PLEKHG1: variants seen among roughly 807,000 people sequenced by gnomAD.
PLEKHG1 encodes pleckstrin homology domain-containing family G member 1.
PLEKHG1 carries 44 observed loss-of-function variants against 100.8 expected under a neutral mutation model. The observed-to-expected ratio is 0.44, with a 90% CI of 0.34 to 0.56. The LOEUF (loss-of-function observed/expected upper bound fraction) is 0.56, where lower values mean the gene tolerates loss of function less well. Among genes scored for constraint, PLEKHG1 ranks in the 20% least tolerant of loss-of-function variants. The pLI, the probability that PLEKHG1 is intolerant of heterozygous loss-of-function variation, is 0.01. For missense variants in PLEKHG1, 1,545 were observed against 1,720.9 expected, an observed-to-expected ratio of 0.90 and a Z score of 1.81; for synonymous variants, 640 against 662.5, an observed-to-expected ratio of 0.97 and a Z score of 0.52.
At position 150,750,081 on chromosome 6, in the gene PLEKHG1, AG is replaced by A. The variant is rs1382105954; in HGVS notation, c.411+15990del. On this transcript the variant is annotated intron_variant, in intron 2 of 15. Transcript: ENST00000358517. The stretch of plus-strand genomic sequence containing the variant: ...AGCAAGACTCTGTCTCAAAAAAAAA[AG>A]AAAATATCTACTAGAAGAACATTTT... Among the ~76,000 whole-genome samples, 91 of 152,078 alleles carry A rather than the reference AG, an allele frequency of 6.0e-4. 5 individuals are homozygous for A. Among genetic ancestry groups the A allele is most frequent in the African/African-American group, 2.1e-3 (86 of 41,380 alleles).
At chr6:150,660,128 T>C (rs1366616033) in intron 3 of PLEKHG1, among the ~76,000 whole-genome samples, 1 of 152,056 alleles carries the variant, frequency 6.6e-6, no homozygotes. Context: ...CAGGCCGGTC[T>C]TGAACTCCTG....
intron 1 of PLEKHG1, among the ~76,000 whole-genome samples, chr6:150,602,951 G>A (rs1057154621): frequency 2.0e-5 from 3 of 151,532 alleles, no homozygotes; most frequent in African/African-American, 4.8e-5. Flanking sequence ...CGAGGTGGCG[G>A]GCACCTGTAG....
chr6:150,659,973 A>T (rs1322745129), intron 3 of PLEKHG1, among the ~76,000 whole-genome samples: 2 of 152,214 alleles, frequency 1.3e-5, no homozygotes, highest in Non-Finnish European at 2.9e-5. Context: ...ACACGCATTC[A>T]TAAGAAATCA....
intron 3 of PLEKHG1, among the ~76,000 whole-genome samples, chr6:150,690,938 C>G (rs1780328736): frequency 6.6e-6 from 1 of 152,186 alleles, no homozygotes; most frequent in South Asian, 2.1e-4. Context: ...CTTCCGCAAC[C>G]CAGCGCATGC....
At chr6:150,759,479 T>C (rs1293974163) in intron 2 of PLEKHG1, among the ~76,000 whole-genome samples, 6 of 152,162 alleles carry the variant, frequency 3.9e-5, no homozygotes, top group Non-Finnish European at 8.8e-5. Flanking sequence ...TATAAAACCT[T>C]TGAAGTGACC....
chr6:150,678,063 C>T (rs1057355003), intron 3 of PLEKHG1, among the ~76,000 whole-genome samples: 21 of 60,120 alleles, frequency 3.5e-4, no homozygotes, highest in Non-Finnish European at 4.7e-4. Context: ...TGTTTTGATG[C>T]ATATATATAT....
intron 3 of PLEKHG1, among the ~76,000 whole-genome samples, chr6:150,656,882 A>C (rs1193663240): frequency 6.6e-6 from 1 of 152,198 alleles, no homozygotes; most frequent in Non-Finnish European, 1.5e-5. Flanking sequence ...TATACAATAT[A>C]CCATTCACTC....
chr6:150,623,019 CTT>C (rs758455220), intron 1 of PLEKHG1, among the ~76,000 whole-genome samples: 26 of 145,402 alleles, frequency 1.8e-4, no homozygotes, highest in Admixed American at 2.8e-4. Flanking sequence ...TAATGAGCAT[CTT>C]TTTTTTTTTT....
intron 3 of PLEKHG1, among the ~76,000 whole-genome samples, chr6:150,775,453 C>T (rs1784912681): frequency 6.6e-6 from 1 of 152,100 alleles, no homozygotes; most frequent in Admixed American, 6.5e-5. Flanking sequence ...TTTCCTTTTT[C>T]CTTCAACTCT....
chr6:150,650,908 T>C (rs1778703416), intron 3 of PLEKHG1, 122 bp downstream of exon 2: 1 of 152,198 alleles, frequency 6.6e-6, no homozygotes, highest in African/African-American at 2.4e-5. Flanking sequence ...CATTTTTCGA[T>C]TTTCAAGTAT....
chr6:150,774,811 G>T (rs1280805706), intron 3 of PLEKHG1, among the ~76,000 whole-genome samples: 1 of 151,534 alleles, frequency 6.6e-6, no homozygotes, highest in Non-Finnish European at 1.5e-5. Context: ...GATTACAGGG[G>T]GGAGCCACTG....
intron 2 of PLEKHG1, among the ~76,000 whole-genome samples, chr6:150,757,413 G>A (rs1783906427): frequency 6.6e-6 from 1 of 152,212 alleles, no homozygotes; most frequent in Non-Finnish European, 1.5e-5. Context: ...TTTCTGAACA[G>A]GAAATGTTTT....
At chr6:150,679,012 C>G (rs1253877078) in intron 3 of PLEKHG1, among the ~76,000 whole-genome samples, 1 of 152,060 alleles carries the variant, frequency 6.6e-6, no homozygotes, top group East Asian at 1.9e-4. Flanking sequence ...AGTAATAAAT[C>G]TCTGAAAAAA....
chr6:150,670,654 T>A (rs1779552504), intron 3 of PLEKHG1, among the ~76,000 whole-genome samples: 1 of 152,218 alleles, frequency 6.6e-6, no homozygotes. Context: ...GGGGAAACCC[T>A]GGGCCACATG....
At chr6:150,730,991 T>G (rs755245225) in intron 1 of PLEKHG1, among the ~76,000 whole-genome samples, 4 of 152,178 alleles carry the variant, frequency 2.6e-5, no homozygotes, top group South Asian at 2.1e-4. Context: ...CCTCAGATAC[T>G]TCCCAAGTGA....
chr6:150,685,896 G>A (rs180986431), intron 3 of PLEKHG1, among the ~76,000 whole-genome samples: 15 of 152,290 alleles, frequency 9.8e-5, no homozygotes, highest in African/African-American at 3.6e-4. Flanking sequence ...TGTGTAACCC[G>A]TAAAAGTCAT....
At chr6:150,716,247 A>G (rs1384140238), upstream of PLEKHG1, among the ~76,000 whole-genome samples, 1 of 152,170 alleles carries the variant, frequency 6.6e-6, no homozygotes, top group African/African-American at 2.4e-5. Context: ...GCCATTTTCC[A>G]TGAAAAATGT....
chr6:150,731,735 T>G (rs1418577696), intron 1 of PLEKHG1, among the ~76,000 whole-genome samples: 1 of 152,202 alleles, frequency 6.6e-6, no homozygotes, highest in Non-Finnish European at 1.5e-5. Flanking sequence ...ATTTCTTTAT[T>G]AATCACCTTC....
At chr6:150,635,456 T>G (rs1777955379) in intron 1 of PLEKHG1, among the ~76,000 whole-genome samples, 1 of 152,218 alleles carries the variant, frequency 6.6e-6, no homozygotes, top group African/African-American at 2.4e-5. Flanking sequence ...AATTTGTAAT[T>G]AAAAACAATT....
Sources: allele counts gnomAD v4.1 joint callset (sites outside exome capture counted in the v4.1 genomes callset), GRCh38; gene constraint gnomAD v4.1.1; transcripts MANE v1.5; gene names NCBI Gene and HGNC (gene_info 2026-07-23, HGNC 2026-07-21).